ETFDH: variants seen among roughly 807,000 people sequenced by gnomAD.
The protein encoded by ETFDH is electron transfer flavoprotein-ubiquinone oxidoreductase, mitochondrial.
ETFDH carries 61 observed loss-of-function variants against 73.2 expected under a neutral mutation model. The ratio of observed to expected loss-of-function variants is 0.83; its 90% CI spans 0.68 to 1.03. ETFDH has a LOEUF of 1.03. ETFDH is among the 50% of genes least tolerant of loss of function. ETFDH has a pLI of 0.00. For missense variants in ETFDH, 685 were observed against 745.0 expected, an observed-to-expected ratio of 0.92 and a Z score of 0.94; for synonymous variants, 243 against 253.3, an observed-to-expected ratio of 0.96 and a Z score of 0.39.
intron 12 of ETFDH, among the ~76,000 whole-genome samples, chr4:158,707,319 C>G (rs1465785704): frequency 6.6e-6 from 1 of 152,112 alleles, no homozygotes; most frequent in Non-Finnish European, 1.5e-5. Flanking sequence ...TATGGTAGAA[C>G]AAAATAGTAT....
intron 7 of ETFDH, among the ~76,000 whole-genome samples, chr4:158,697,211 C>T (rs1433524158): frequency 6.6e-6 from 1 of 152,040 alleles, no homozygotes; most frequent in African/African-American, 2.4e-5. Flanking sequence ...TCTCACGCCT[C>T]AGCCTCCTGA....
chr4:158,677,482 C>A (rs1773739707), intron 1 of ETFDH, among the ~76,000 whole-genome samples: 1 of 152,206 alleles, frequency 6.6e-6, no homozygotes. Context: ...TTAGTTAAAT[C>A]TCTCCTAGAT....
At chr4:158,680,917 C>G (rs979202150) in intron 2 of ETFDH, among the ~76,000 whole-genome samples, 9 of 152,206 alleles carry the variant, frequency 5.9e-5, no homozygotes, top group African/African-American at 2.2e-4. Context: ...CAAACATACT[C>G]TACTGCCAGT....
chr4:158,704,751 C>T (rs926770996), intron 10 of ETFDH, among the ~76,000 whole-genome samples: 5 of 152,080 alleles, frequency 3.3e-5, no homozygotes, highest in African/African-American at 1.2e-4. Flanking sequence ...TTCTTAGAAT[C>T]CCCAGTAAAT....
Position 158,685,139 on chromosome 4 carries a change from T to C in ETFDH, c.526T>C (p.Leu176=), listed in dbSNP as rs1418356474. 1.2e-6 allele frequency: 2 copies of C among 1,612,356 alleles called. No individual in the cohort carries two copies. The highest frequency in any genetic ancestry group is 1.7e-6 in the Non-Finnish European group (2 of 1,178,500). The change falls in exon 5 of 13, where the codon TTG becomes CTG. Residue 176 remains leucine, a synonymous_variant. Coordinates refer to ENST00000511912, the MANE Select transcript of ETFDH (RefSeq NM_004453.4). Reference sequence around the variant, plus strand: ...TAATCATGGCAATTACATTGTACGCTTGGGACATTTAGTGAGCTGGATGGG... The same window carrying C: ...TAATCATGGCAATTACATTGTACGCCTGGGACATTTAGTGAGCTGGATGGG... ...MNNHGNYIVR[L]GHLVSWMGEQ...
In ETFDH at chr4:158,685,199, C is replaced by T; in HGVS notation, c.586C>T (p.Pro196Ser). The change falls in exon 5 of 13, where the codon CCT becomes TCT. Residue 196 changes from proline to serine, a missense_variant. Physicochemically the swap from Pro to Ser is moderately conservative, Grantham distance 74. Coordinates refer to ENST00000511912, the MANE Select transcript of ETFDH (RefSeq NM_004453.4). ...AGAAGCCCTTGGTGTTGAAGTATAC[C>T]CTGGTTATGCAGCTGCTGAGGTTTG... ...QAEALGVEVY[P>S]GYAAAEVLFH... 1 of 1,600,344 alleles carries T rather than the reference C, an allele frequency of 6.2e-7. No individual in the cohort carries two copies. Among genetic ancestry groups the T allele is most frequent in the Admixed American group, 1.7e-5 (1 of 59,960 alleles).
chr4:158,703,661 A>G (rs900937334), intron 10 of ETFDH, 70 bp downstream of exon 10: 9 of 927,130 alleles, frequency 9.7e-6, no homozygotes, highest in Non-Finnish European at 1.6e-5. Context: ...TGACATTAAA[A>G]GATTTGTATT....
At chr4:158,682,527 TATC>T in intron 3 of ETFDH, 103 bp downstream of exon 3, 1 of 892,546 alleles carries the variant, frequency 1.1e-6, no homozygotes, top group South Asian at 1.6e-5. Flanking sequence ...CATGTAACTC[TATC>T]TTTTTTTTTT....
chr4:158,692,603 C>T (rs922798725), intron 6 of ETFDH, among the ~76,000 whole-genome samples: 1 of 151,706 alleles, frequency 6.6e-6, no homozygotes, highest in Non-Finnish European at 1.5e-5. Context: ...TACTGCCTCT[C>T]AGTAAAAGAA....
At chr4:158,675,080 C>CTT in intron 1 of ETFDH, among the ~76,000 whole-genome samples, 1 of 152,030 alleles carries the variant, frequency 6.6e-6, no homozygotes, top group Admixed American at 6.5e-5. Flanking sequence ...ACAAATCATA[C>CTT]AATATATACT....
intron 2 of ETFDH, 91 bp from the exon 3 acceptor site, chr4:158,682,104 C>T: frequency 6.4e-7 from 1 of 1,570,734 alleles, no homozygotes; most frequent in South Asian, 1.1e-5. Flanking sequence ...ATAAATAATA[C>T]TCTAAAGCAC....
At chr4:158,702,532 A>G (rs1774491671) in intron 9 of ETFDH, among the ~76,000 whole-genome samples, 1 of 151,844 alleles carries the variant, frequency 6.6e-6, no homozygotes, top group African/African-American at 2.4e-5. Flanking sequence ...CCATAAGATC[A>G]ACTTTTTAAG....
intron 8 of ETFDH, 142 bp downstream of exon 8, chr4:158,697,841 A>G: frequency 1.3e-6 from 1 of 766,926 alleles, no homozygotes; most frequent in Non-Finnish European, 2.2e-6. Context: ...TAAAGTGCTT[A>G]TGGCTGCTGT....
In ETFDH at chr4:158,684,031, T is replaced by C. The variant is rs771742195; in HGVS notation, c.406-561T>C. Among the ~76,000 whole-genome samples the C allele has an allele frequency of 3.1e-4, 47 of 152,218 alleles. No homozygotes were observed. In the South Asian group the frequency reaches 4.2e-3, roughly 13 times the overall value. On this transcript the variant is annotated intron_variant, in intron 3 of 12. Transcript: ENST00000511912. ...AGACAAAAAGACATGAGGGTCACGT[T>C]TCAAAGGTGTTTCCAAGACTCCCAA...
rs558630575 is a variant in ETFDH at position 158,672,606 on chromosome 4, C to G, written c.34+116C>G. The G allele has an allele frequency of 8.2e-6, 9 of 1,095,750 alleles. No individual in the cohort carries two copies. The Admixed American group carries it at 1.1e-4, about 13-fold the overall frequency. 67.9% of individuals were successfully genotyped at this position (1,095,750 alleles called of 1,614,324 possible). A position where few individuals can be genotyped will look rare whatever the true frequency, so the allele number is the denominator to read the frequency against. ...TCTCTCATCAGCTTTCTCAGGCTAT[C>G]TAGGGCAAAGGTCACGCGCTGTCAG... On this transcript the variant is annotated intron_variant, in intron 1 of 12. Transcript: ENST00000511912.
chr4:158,687,092 GTC>G (rs1237814174), intron 5 of ETFDH, among the ~76,000 whole-genome samples: 2 of 152,158 alleles, frequency 1.3e-5, no homozygotes, highest in Non-Finnish European at 2.9e-5. Context: ...CTGGGACAAA[GTC>G]TCTTGAGCCT....
chr4:158,680,637 G>T, intron 2 of ETFDH, 30 bp downstream of exon 2: 1 of 1,567,436 alleles, frequency 6.4e-7, no homozygotes, highest in South Asian at 1.1e-5. Flanking sequence ...CAATTCCTGA[G>T]ACTTTTCTGG....
rs1000532136 is a variant in ETFDH, at chr4:158,697,102, AT to A, written c.832-447del. 7.5e-5 allele frequency among the ~76,000 whole-genome samples: 11 copies of A among 147,552 alleles called. 1 individual carries two copies. The East Asian group carries it at 1.6e-3, about 21-fold the overall frequency. On this transcript the variant is annotated intron_variant, in intron 7 of 12. Transcript: ENST00000511912. ...CTGTATTCTTTTTTATTATTTTTTT[AT>A]TTTTTTTTTGAGACTGAGTCATGCT...
intron 5 of ETFDH, among the ~76,000 whole-genome samples, chr4:158,686,002 C>T (rs898589806): frequency 5.9e-5 from 9 of 152,130 alleles, no homozygotes; most frequent in Non-Finnish European, 1.2e-4. Flanking sequence ...TTCTTTTCTG[C>T]AATAGATATT....
Sources: gnomAD v4.1 joint callset for allele counts (sites outside exome capture counted in the v4.1 genomes callset) on GRCh38, gnomAD v4.1.1 for gene constraint, MANE v1.5 for transcripts, NCBI Gene and HGNC (gene_info 2026-07-23, HGNC 2026-07-21) for gene names.